The following KIF5A variants were observed in gnomAD, a reference collection of about 807,000 sequenced individuals.
KIF5A encodes kinesin family member 5A, also known as kinesin heavy chain isoform 5A.
A neutral mutation model predicts 141.3 loss-of-function variants in KIF5A; 35 were observed. That is an observed-to-expected ratio of 0.25 (90% CI 0.19 to 0.33). The LOEUF is 0.33. Among genes scored for constraint, KIF5A ranks in the 10% least tolerant of loss-of-function variants. The pLI, the probability that KIF5A is intolerant of heterozygous loss-of-function variation, is 1.00. For synonymous variants in KIF5A, 448 were observed against 500.2 expected, an observed-to-expected ratio of 0.90 and a Z score of 1.39; for missense variants, 861 against 1,314.3, an observed-to-expected ratio of 0.66 and a Z score of 5.33.
At chr12:57,581,310 A>T in intron 24 of KIF5A, 105 bp from the exon 25 acceptor site, 1 of 1,555,202 alleles carries the variant, frequency 6.4e-7, no homozygotes, top group Non-Finnish European at 8.8e-7. Context: ...TAAAAAAGTG[A>T]TTATGTTACA....
intron 6 of KIF5A, among the ~76,000 whole-genome samples, chr12:57,565,505 A>G (rs773697761): frequency 1.3e-5 from 2 of 151,912 alleles, no homozygotes; most frequent in Non-Finnish European, 2.9e-5. Flanking sequence ...ATCAAAGTTT[A>G]CTGGAAGAAA....
chr12:57,565,727 C>T (rs575759835), intron 6 of KIF5A, among the ~76,000 whole-genome samples: 215 of 146,902 alleles, frequency 1.5e-3, no homozygotes, highest in Non-Finnish European at 2.7e-3. Context: ...TGGGTTCAAA[C>T]GATTCTCCTG....
intron 1 of KIF5A, among the ~76,000 whole-genome samples, chr12:57,556,612 A>G (rs1385067946): frequency 1.4e-5 from 2 of 147,468 alleles, no homozygotes; most frequent in Admixed American, 6.8e-5. Flanking sequence ...GGAGCCTTCT[A>G]GATCCTGTAA....
At position 57,567,209 on chromosome 12, in the gene KIF5A, C is replaced by A; in HGVS notation, c.585C>A (p.Val195=). 1 of 1,609,602 alleles carries A rather than the reference C, an allele frequency of 6.2e-7. No homozygotes were observed. The highest frequency in any genetic ancestry group is 1.1e-5 in the South Asian group (1 of 90,976). The change falls in exon 7 of 29, where the codon GTC becomes GTA. Residue 195 remains valine, a synonymous_variant. Transcript: ENST00000455537. ...DEGKSNRHVA[V]TNMNEHSSRS... is the part of the protein sequence containing the mutation. ...GGAAATCAAATCGTCATGTGGCTGTCACCAGTGAGTGAGGATACAAGGGGA... is the reference window on the plus strand; with the variant it reads ...GGAAATCAAATCGTCATGTGGCTGTAACCAGTGAGTGAGGATACAAGGGGA...
At chr12:57,567,374 G>A (rs1882096319) in intron 7 of KIF5A, 120 bp from the exon 8 acceptor site, 1 of 1,361,690 alleles carries the variant, frequency 7.3e-7, no homozygotes, top group Admixed American at 1.9e-5. Context: ...GTGGCAGCAG[G>A]GCTAGTCCTG....
At position 57,572,465 on chromosome 12, in the gene KIF5A, C is replaced by T. The variant is rs1882286749; in HGVS notation, c.1570-115C>T. On this transcript the variant is annotated intron_variant, in intron 14 of 28. Transcript: ENST00000455537. This position sits in a 1 kb window ranked among gnomAD's most constrained non-coding sequence, Gnocchi z 4.2. ...TGTCTTTCAGACTCTTCTGCAGGGC[C>T]TGTGTTCTCTTCATAGCAGCCCTCA... The T allele has an allele frequency of 1.4e-6, 2 of 1,421,858 alleles. No individual in the cohort carries two copies. The highest frequency in any genetic ancestry group is 2.8e-5 in the African/African-American group (2 of 70,960). The allele number at this position is 1,421,858 out of a possible 1,614,324, so 88.1% of individuals were successfully genotyped here.
chr12:57,570,551 A>G (rs1314622822), intron 12 of KIF5A, among the ~76,000 whole-genome samples: 1 of 152,158 alleles, frequency 6.6e-6, no homozygotes, highest in African/African-American at 2.4e-5. Context: ...GGCGCATGCC[A>G]CCACGCCTGG....
At chr12:57,569,810 G>A in intron 11 of KIF5A, 127 bp downstream of exon 11, 5 of 1,462,710 alleles carry the variant, frequency 3.4e-6, no homozygotes, top group Non-Finnish European at 4.6e-6. Flanking sequence ...TTTCTGGACA[G>A]GTGCAGTAGA....
chr12:57,567,767 T>A, intron 8 of KIF5A, 149 bp downstream of exon 8: 1 of 813,012 alleles, frequency 1.2e-6, no homozygotes. Context: ...TTTAAGTGAT[T>A]CTCCTGCCTA....
chr12:57,570,210 G>C (rs1882209518), intron 12 of KIF5A, 48 bp downstream of exon 12: 1 of 1,577,776 alleles, frequency 6.3e-7, no homozygotes, highest in Non-Finnish European at 8.7e-7. Flanking sequence ...TGGGATGAGA[G>C]GTAGACGATC....
At position 57,568,725 on chromosome 12, in the gene KIF5A, C is replaced by CA. The variant is rs558633353; in HGVS notation, c.715-225dup. ...GCGCAACAAGAGTGAAACTCCATCT[C>CA]AAAAAAAAAAAAAGGAATCATGTAA... On this transcript the variant is annotated intron_variant, in intron 8 of 28. Coordinates refer to ENST00000455537, the MANE Select transcript of KIF5A (RefSeq NM_004984.4). Among the ~76,000 whole-genome samples, 5,956 of 132,464 alleles carry CA rather than the reference C, an allele frequency of 0.045. 316 individuals are homozygous for CA. Among genetic ancestry groups the CA allele is most frequent in the African/African-American group, 0.14 (5,021 of 36,416 alleles). The allele number at this position is 132,464 out of a possible 152,430, so 86.9% of individuals were successfully genotyped here. A position where few individuals can be genotyped will look rare whatever the true frequency, so the allele number is the denominator to read the frequency against.
intron 17 of KIF5A, 111 bp from the exon 18 acceptor site, chr12:57,575,976 G>A: frequency 9.3e-7 from 1 of 1,071,634 alleles, no homozygotes; most frequent in Non-Finnish European, 1.5e-6. Context: ...TAACACAGAA[G>A]AACATCCCTG....
chr12:57,578,140 T>C, intron 22 of KIF5A, 60 bp downstream of exon 22: 1 of 1,586,604 alleles, frequency 6.3e-7, no homozygotes, highest in East Asian at 2.2e-5. Flanking sequence ...CTTAGGTTTC[T>C]CCTGCCCCTG....
Position 57,584,596 on chromosome 12 carries a change from C to G in KIF5A, c.*415C>G, listed in dbSNP as rs1371774718. The G allele has an allele frequency of 1.3e-5, 2 of 152,286 alleles. No individual in the cohort carries two copies. The highest frequency in any genetic ancestry group is 2.4e-5 in the African/African-American group (1 of 41,260). The allele number at this position is 152,286 out of a possible 1,614,324, so 9.4% of individuals were successfully genotyped here. The stretch of plus-strand genomic sequence containing the variant: ...AGCTAGAGGGTTGTGACCCTTCATA[C>G]ACACACGCACGCACGCACACAAACA... On this transcript the variant is annotated 3_prime_UTR_variant, in exon 29 of 29. Transcript: ENST00000455537.
intron 1 of KIF5A, among the ~76,000 whole-genome samples, chr12:57,563,154 G>A (rs1489486296): frequency 2.0e-5 from 3 of 151,816 alleles, no homozygotes; most frequent in Non-Finnish European, 4.4e-5. Flanking sequence ...CTACAGGCAC[G>A]TGCCACCACA....
At position 57,577,716 on chromosome 12, in the gene KIF5A, T is replaced by A; in HGVS notation, c.2304T>A (p.Phe768Leu). 6.2e-7 allele frequency: 1 copy of A among 1,613,692 alleles called. No individual in the cohort carries two copies. The highest frequency in any genetic ancestry group is 8.5e-7 in the Non-Finnish European group (1 of 1,179,580). ...EKSTKLQELT[F>L]LYERHEQSKQ... ...TCCCTTATTTCTCTTGCTACAGATT[T>A]CTGTACGAGCGACATGAGCAGTCCA... Residue 768 changes from phenylalanine (F) to leucine (L), a missense_variant, in exon 21 of 29, where the codon TTT becomes TTA. Transcript: ENST00000455537.
chr12:57,564,990 G>C lies in KIF5A; in HGVS notation c.501+17G>C. 2 of 1,612,640 alleles carry C rather than the reference G, an allele frequency of 1.2e-6. No individual in the cohort carries two copies. The highest frequency in any genetic ancestry group is 1.7e-6 in the Non-Finnish European group (2 of 1,178,636). ...TTTGTCAAGGTGAGAGTGGGTGTGG[G>C]GCACCTATGTGGGGCCAGTGTATTG... On this transcript the variant is annotated intron_variant, in intron 6 of 28. Coordinates refer to ENST00000455537, the MANE Select transcript of KIF5A (RefSeq NM_004984.4).
intron 1 of KIF5A, among the ~76,000 whole-genome samples, chr12:57,558,051 T>C (rs1352242744): frequency 6.6e-6 from 1 of 152,204 alleles, no homozygotes; most frequent in African/African-American, 2.4e-5. Flanking sequence ...CAAATACATA[T>C]ATACATGCAT....
In KIF5A at chr12:57,567,221, A is replaced by G; in HGVS notation, c.589+8A>G. The G allele has an allele frequency of 6.3e-7, 1 of 1,598,758 alleles. No individual in the cohort carries two copies. Among genetic ancestry groups the G allele is most frequent in the Non-Finnish European group, 8.6e-7 (1 of 1,166,472 alleles). On this transcript the variant is annotated splice_region_variant and intron_variant, in intron 7 of 28. Coordinates refer to ENST00000455537, the MANE Select transcript of KIF5A (RefSeq NM_004984.4). ...GTCATGTGGCTGTCACCAGTGAGTG[A>G]GGATACAAGGGGATCTCTCGAGTCT...
Sources: allele counts gnomAD v4.1 joint callset (sites outside exome capture counted in the v4.1 genomes callset), GRCh38; gene constraint gnomAD v4.1.1; non-coding constraint Gnocchi (gnomAD v3.1); transcripts MANE v1.5; gene names NCBI Gene and HGNC (gene_info 2026-07-23, HGNC 2026-07-21).